ROCK2: variants seen among roughly 807,000 people sequenced by gnomAD.
The protein encoded by ROCK2 is Rho associated coiled-coil containing protein kinase 2, also known as rho-associated protein kinase 2.
Under a neutral mutation model 195.1 loss-of-function variants are expected in ROCK2, and 61 were observed. The ratio of observed to expected loss-of-function variants is 0.31; its 90% CI spans 0.25 to 0.39. The LOEUF is 0.39. Among genes scored for constraint, ROCK2 ranks in the 10% least tolerant of loss-of-function variants. The pLI is 1.00. For missense variants in ROCK2, 1,109 were observed against 1,637.4 expected, an observed-to-expected ratio of 0.68 and a Z score of 5.57; for synonymous variants, 504 against 545.5, an observed-to-expected ratio of 0.92 and a Z score of 1.06.
chr2:11,326,387 T>G (rs4669710), intron 1 of ROCK2, among the ~76,000 whole-genome samples: 123,038 of 152,134 alleles, frequency 0.81, 51,347 homozygotes, highest in East Asian at 0.99. Flanking sequence ...TCTATAAGAT[T>G]ATGGTTTTAG....
At chr2:11,283,294 C>T (rs1022684952) in intron 3 of ROCK2, among the ~76,000 whole-genome samples, 2 of 149,960 alleles carry the variant, frequency 1.3e-5, no homozygotes, top group African/African-American at 2.4e-5. Context: ...GGCGCAGTGG[C>T]TCACGCCTGT....
chr2:11,297,543 A>G (rs1012446425), intron 1 of ROCK2, among the ~76,000 whole-genome samples: 5 of 152,044 alleles, frequency 3.3e-5, no homozygotes, highest in African/African-American at 9.7e-5. Context: ...CCTATAAGTC[A>G]TATGTTGTTT....
At chr2:11,343,525 T>A (rs1030148858) in intron 1 of ROCK2, among the ~76,000 whole-genome samples, 7 of 152,224 alleles carry the variant, frequency 4.6e-5, no homozygotes, top group African/African-American at 1.7e-4. Flanking sequence ...TTCCAAGATT[T>A]CAGACTAAAA....
chr2:11,247,111 C>T (rs924216290), intron 4 of ROCK2, among the ~76,000 whole-genome samples: 1 of 151,990 alleles, frequency 6.6e-6, no homozygotes, highest in Non-Finnish European at 1.5e-5. Flanking sequence ...AAAAGACATA[C>T]ATACATGTTG....
chr2:11,201,059 A>G lies in ROCK2; in HGVS notation c.2808T>C (p.Tyr936=). Residue 936 remains tyrosine, a synonymous_variant, in exon 23 of 33, where the codon TAT becomes TAC. Coordinates refer to ENST00000315872, the MANE Select transcript of ROCK2 (RefSeq NM_004850.5). The surrounding 1 kb of genome is among the most constrained non-coding windows in gnomAD (Gnocchi z 4.6). The part of the protein sequence containing the change: ...QLARSIAEEQ[Y]SDLEKEKIMK... ...TGATCTTCTCTTTTTCCAAATCAGA[A>G]TATTGTTCTTCAGCAATTGAACGAG... 6.2e-7 allele frequency: 1 copy of G among 1,613,646 alleles called. No individual in the cohort carries two copies. The highest frequency in any genetic ancestry group is 8.5e-7 in the Non-Finnish European group (1 of 1,179,838).
chr2:11,343,730 G>C (rs77774091), intron 1 of ROCK2, among the ~76,000 whole-genome samples: 9 of 152,268 alleles, frequency 5.9e-5, no homozygotes, highest in Admixed American at 5.2e-4. Context: ...GGAGAAGAGG[G>C]GTGTTTTCCT....
chr2:11,214,606 T>C (rs1056025750), intron 16 of ROCK2, 143 bp from the exon 17 acceptor site: 15 of 653,050 alleles, frequency 2.3e-5, no homozygotes, highest in East Asian at 8.3e-5. Context: ...TTGTGCTTTA[T>C]AGTTAATTCA....
At chr2:11,310,095 G>C (rs934864731) in intron 1 of ROCK2, among the ~76,000 whole-genome samples, 5 of 152,154 alleles carry the variant, frequency 3.3e-5, no homozygotes, top group Non-Finnish European at 1.5e-5. Context: ...AAACCAACAT[G>C]GCCTAAAGAT....
intron 1 of ROCK2, among the ~76,000 whole-genome samples, chr2:11,328,786 A>C (rs1393654158): frequency 2.0e-5 from 3 of 152,132 alleles, no homozygotes; most frequent in African/African-American, 7.2e-5. Context: ...ATGAAATTGG[A>C]AATCATCATT....
chr2:11,271,264 A>G (rs1213275482), intron 3 of ROCK2, among the ~76,000 whole-genome samples: 1 of 152,210 alleles, frequency 6.6e-6, no homozygotes, highest in Admixed American at 6.5e-5. Flanking sequence ...TTTTTCTCCA[A>G]TATTCACTGT....
intron 3 of ROCK2, among the ~76,000 whole-genome samples, chr2:11,283,999 A>T (rs1379285237): frequency 1.3e-5 from 2 of 152,242 alleles, no homozygotes; most frequent in African/African-American, 4.8e-5. Context: ...CAAAACCTGG[A>T]GGCAATCAAT....
At chr2:11,213,592 C>T (rs537008796) in intron 17 of ROCK2, among the ~76,000 whole-genome samples, 3 of 70,920 alleles carry the variant, frequency 4.2e-5, no homozygotes, top group East Asian at 4.2e-4. Flanking sequence ...TGCCTTTAAA[C>T]GATTAAAATT....
At chr2:11,248,039 T>C (rs1278889874) in intron 4 of ROCK2, among the ~76,000 whole-genome samples, 3 of 151,822 alleles carry the variant, frequency 2.0e-5, no homozygotes, top group African/African-American at 7.3e-5. Context: ...AAAAAAAAAT[T>C]ATCATGGTAT....
chr2:11,306,299 A>C (rs1667856802), intron 1 of ROCK2, among the ~76,000 whole-genome samples: 1 of 152,216 alleles, frequency 6.6e-6, no homozygotes, highest in Non-Finnish European at 1.5e-5. Flanking sequence ...TAACTGCACC[A>C]GTTGGTGGTA....
At chr2:11,324,745 C>T (rs1245144169) in intron 1 of ROCK2, among the ~76,000 whole-genome samples, 1 of 152,226 alleles carries the variant, frequency 6.6e-6, no homozygotes, top group African/African-American at 2.4e-5. Flanking sequence ...TAGTAAAGCA[C>T]AGTGCCTGGC....
intron 1 of ROCK2, chr2:11,309,010 A>G: frequency 1.3e-6 from 2 of 1,591,124 alleles, no homozygotes; most frequent in Non-Finnish European, 1.7e-6. Context: ...AGCTCTGTGT[A>G]GCGTATTCAC....
intron 4 of ROCK2, among the ~76,000 whole-genome samples, chr2:11,244,408 C>T (rs778615194): frequency 1.4e-4 from 22 of 152,100 alleles, no homozygotes; most frequent in Non-Finnish European, 2.2e-4. Flanking sequence ...ATTCAATATA[C>T]TTTTTTCTTC....
intron 17 of ROCK2, among the ~76,000 whole-genome samples, chr2:11,213,645 T>C (rs1234866719): frequency 8.3e-5 from 12 of 144,408 alleles, no homozygotes; most frequent in Admixed American, 6.5e-4. Context: ...ACAATGCCTT[T>C]TTTATTTTCC....
chr2:11,257,884 A>G (rs1354457102), intron 3 of ROCK2, among the ~76,000 whole-genome samples: 35 of 151,482 alleles, frequency 2.3e-4, no homozygotes, highest in Admixed American at 2.3e-3. Flanking sequence ...TCTCAAGTGA[A>G]AAGTGTTTGT....
Sources: gnomAD v4.1 joint callset for allele counts (sites outside exome capture counted in the v4.1 genomes callset) on GRCh38, gnomAD v4.1.1 for gene constraint, Gnocchi (gnomAD v3.1) non-coding constraint, MANE v1.5 for transcripts, NCBI Gene and HGNC (gene_info 2026-07-23, HGNC 2026-07-21) for gene names.